Variants in OLA1 observed in about 807,000 individuals in gnomAD.
OLA1 encodes the protein Obg like ATPase 1, also known as obg-like ATPase 1.
Under a neutral mutation model 48.4 loss-of-function variants are expected in OLA1, and 14 were observed. That is an observed-to-expected ratio of 0.29 (90% CI 0.19 to 0.45). The LOEUF is 0.45. OLA1 is among the 20% of genes least tolerant of loss of function. The pLI, the probability that OLA1 is intolerant of heterozygous loss-of-function variation, is 1.00. For missense variants in OLA1, 325 were observed against 467.1 expected, an observed-to-expected ratio of 0.70 and a Z score of 2.80; for synonymous variants, 127 against 150.4, an observed-to-expected ratio of 0.84 and a Z score of 1.14.
intron 4 of OLA1, among the ~76,000 whole-genome samples, chr2:174,163,748 ATATATATATATATATATATATATAT>A: frequency 2.0e-5 from 1 of 50,006 alleles, no homozygotes; most frequent in Non-Finnish European, 3.8e-5. Flanking sequence ...ATATATATAT[ATATATATATATATATATATATATAT>A]ATAAATAAAT....
chr2:174,215,609 C>T (rs1688346461), intron 4 of OLA1, among the ~76,000 whole-genome samples: 1 of 152,112 alleles, frequency 6.6e-6, no homozygotes, highest in South Asian at 2.1e-4. Flanking sequence ...TACATAGATA[C>T]TTGTCAATTT....
At chr2:174,103,061 C>G (rs916289407) in intron 7 of OLA1, among the ~76,000 whole-genome samples, 1 of 151,996 alleles carries the variant, frequency 6.6e-6, no homozygotes, top group Non-Finnish European at 1.5e-5. Flanking sequence ...GTTCTAAGAT[C>G]GGAGAAATAA....
intron 3 of OLA1, among the ~76,000 whole-genome samples, chr2:174,223,771 A>G (rs1688557580): frequency 6.6e-6 from 1 of 150,616 alleles, no homozygotes; most frequent in African/African-American, 2.4e-5. Context: ...TAGACAAAAA[A>G]AAAAAAAAAA....
chr2:174,088,875 CAAAA>C (rs1254776345), intron 7 of OLA1, among the ~76,000 whole-genome samples: 2 of 121,052 alleles, frequency 1.7e-5, no homozygotes, highest in African/African-American at 7.4e-5. Flanking sequence ...AATCCTGTCT[CAAAA>C]ATAAATAAAT....
intron 2 of OLA1, among the ~76,000 whole-genome samples, chr2:174,232,066 G>T (rs1688740145): frequency 6.6e-6 from 1 of 152,020 alleles, no homozygotes; most frequent in Non-Finnish European, 1.5e-5. Flanking sequence ...GCAAGAATGG[G>T]TTTACATAAC....
intron 2 of OLA1, among the ~76,000 whole-genome samples, chr2:174,245,893 C>CA (rs1026152785): frequency 2.5e-4 from 37 of 149,988 alleles, no homozygotes; most frequent in Non-Finnish European, 4.3e-4. Context: ...GACTCCATCT[C>CA]AAAAAAAAAG....
chr2:174,243,301 T>C (rs528899379), intron 2 of OLA1, among the ~76,000 whole-genome samples: 3 of 152,308 alleles, frequency 2.0e-5, no homozygotes, highest in Admixed American at 1.3e-4. Context: ...GTGTTTTGTG[T>C]GCCTGCAGTT....
chr2:174,137,489 A>G (rs1408129184), intron 5 of OLA1, among the ~76,000 whole-genome samples: 7 of 152,204 alleles, frequency 4.6e-5, no homozygotes, highest in Non-Finnish European at 1.0e-4. Flanking sequence ...ATATCCTTTG[A>G]AGCCAGGCAT....
chr2:174,149,764 A>T (rs879439146), intron 4 of OLA1, among the ~76,000 whole-genome samples: 2 of 152,200 alleles, frequency 1.3e-5, no homozygotes, highest in Admixed American at 1.3e-4. Flanking sequence ...TGGACTGAAG[A>T]TTAATCAGTT....
At position 174,163,713 on chromosome 2, in the gene OLA1, T is replaced by TAA. The variant is rs1558984399; in HGVS notation, c.374-21714_374-21713insTT. Among the ~76,000 whole-genome samples, 16 of 4,712 alleles carry TAA rather than the reference T, an allele frequency of 3.4e-3. No individual in the cohort carries two copies. In the East Asian group the frequency reaches 0.15, roughly 44 times the overall value. 3.1% of individuals were successfully genotyped at this position (4,712 alleles called of 152,430 possible). A position where few individuals can be genotyped will look rare whatever the true frequency, so the allele number is the denominator to read the frequency against. On this transcript the variant is annotated intron_variant, in intron 4 of 10. Transcript: ENST00000284719. ...CTCAAAAATAAAATAAATAAATAAA[T>TAA]ATATATATATATATATATATATATA...
intron 4 of OLA1, among the ~76,000 whole-genome samples, chr2:174,157,711 A>G (rs915236007): frequency 8.5e-5 from 13 of 152,166 alleles, no homozygotes; most frequent in Admixed American, 2.0e-4. Context: ...AATTTTTCTA[A>G]GATATAGAAG....
chr2:174,155,862 G>A (rs1686864879), intron 4 of OLA1, among the ~76,000 whole-genome samples: 1 of 152,138 alleles, frequency 6.6e-6, no homozygotes, highest in African/African-American at 2.4e-5. Context: ...GACGCAGAGA[G>A]TAAAGAAGAA....
intron 4 of OLA1, among the ~76,000 whole-genome samples, chr2:174,175,437 G>C (rs1267700374): frequency 3.3e-5 from 5 of 151,878 alleles, no homozygotes; most frequent in Admixed American, 6.6e-5. Flanking sequence ...GATTTAGACA[G>C]ATACTTCACC....
chr2:174,134,226 T>C (rs1445718070), intron 5 of OLA1, among the ~76,000 whole-genome samples: 2 of 152,260 alleles, frequency 1.3e-5, no homozygotes, highest in African/African-American at 4.8e-5. Flanking sequence ...ATGGTAAGTC[T>C]ATAATTAACT....
At chr2:174,243,346 T>A (rs1320632397) in intron 2 of OLA1, among the ~76,000 whole-genome samples, 1 of 152,206 alleles carries the variant, frequency 6.6e-6, no homozygotes, top group Non-Finnish European at 1.5e-5. Flanking sequence ...TAGGGACTGC[T>A]TGAGCCCGGG....
At position 174,222,053 on chromosome 2, in the gene OLA1, G is replaced by A. The variant is rs143802079; in HGVS notation, c.373+980C>T. 3.7e-4 allele frequency among the ~76,000 whole-genome samples: 57 copies of A among 152,220 alleles called. 1 individual carries two copies. The East Asian group carries it at 0.01, about 27-fold the overall frequency. ...GGGTTTTGTAAAATACAATACAAAT[G>A]AATTATATGGTTGGTACAAAAGTAA... On this transcript the variant is annotated intron_variant, in intron 4 of 10. Transcript: ENST00000284719.
chr2:174,075,727 T>C (rs1684722295), intron 10 of OLA1, among the ~76,000 whole-genome samples, 200 bp from the exon 11 acceptor site: 1 of 152,174 alleles, frequency 6.6e-6, no homozygotes. Context: ...AACTAGATTT[T>C]CCATATATAC....
At chr2:174,166,862 T>C (rs10203886) in intron 4 of OLA1, among the ~76,000 whole-genome samples, 80,918 of 151,950 alleles carry the variant, frequency 0.53, 22,130 homozygotes, top group East Asian at 0.95. Context: ...GTATTAACTT[T>C]TTTAGGGTAA....
intron 4 of OLA1, among the ~76,000 whole-genome samples, chr2:174,151,612 T>C (rs566305989): frequency 3.9e-5 from 6 of 152,324 alleles, no homozygotes; most frequent in African/African-American, 1.2e-4. Context: ...AAAAACTTTA[T>C]GTTTTCAAAT....
Sources: gnomAD v4.1 joint callset for allele counts (sites outside exome capture counted in the v4.1 genomes callset) on GRCh38, gnomAD v4.1.1 for gene constraint, MANE v1.5 for transcripts, NCBI Gene and HGNC (gene_info 2026-07-23, HGNC 2026-07-21) for gene names.